The following FPR3 variants were observed in gnomAD, a reference collection of about 807,000 sequenced individuals.
FPR3 encodes N-formyl peptide receptor 3.
For synonymous variants in FPR3, 135 were observed against 163.6 expected (o/e 0.83, Z 1.34); for missense variants, 346 against 443.2 (o/e 0.78, Z 1.97).
At chr19:51,800,759 C>CT (rs2084023044) in intron 1 of FPR3, among the ~76,000 whole-genome samples, 1 of 151,078 alleles carries the variant, frequency 6.6e-6, no homozygotes, top group East Asian at 1.9e-4. Context: ...ATTTTTTTTT[C>CT]TTTTTTGGTA....
chr19:51,799,864 C>G (rs533853831), intron 1 of FPR3, among the ~76,000 whole-genome samples: 4 of 152,222 alleles, frequency 2.6e-5, no homozygotes, highest in Admixed American at 6.5e-5. Context: ...GGTAGTGGTC[C>G]GGCCTGTATT....
At chr19:51,795,504 C>CTTTTTTTTTT (rs58620565) in intron 1 of FPR3, among the ~76,000 whole-genome samples, 173 bp downstream of exon 1, 876 of 74,662 alleles carry the variant, frequency 0.012, 185 homozygotes, top group East Asian at 0.02. Context: ...CAGTAACATT[C>CTTTTTTTTTT]TTTTTTTTTT....
rs1444939128 is a variant in FPR3, at chr19:51,825,850, G to T, written c.*1040G>T. On this transcript the variant is annotated 3_prime_UTR_variant, in exon 2 of 2. Coordinates refer to ENST00000339223, the MANE Select transcript of FPR3 (RefSeq NM_002030.5). ...AAGTGGAAGTGGGAAAAGAGTACAAGAGAAGAGACAAAGTGGGGATATTTG... is the reference window on the plus strand; with the variant it reads ...AAGTGGAAGTGGGAAAAGAGTACAATAGAAGAGACAAAGTGGGGATATTTG... 2 of 167,096 alleles carry T rather than the reference G, an allele frequency of 1.2e-5. No individual in the cohort carries two copies. 10.4% of individuals were successfully genotyped at this position (167,096 alleles called of 1,614,324 possible).
intron 1 of FPR3, chr19:51,817,825 C>A (rs1289078654): frequency 6.6e-6 from 1 of 152,198 alleles, no homozygotes; most frequent in Non-Finnish European, 1.5e-5. Context: ...AGAAAAGGAA[C>A]TCAGCTAGTG....
chr19:51,816,073 A>G (rs2084134527), intron 1 of FPR3, among the ~76,000 whole-genome samples: 1 of 151,810 alleles, frequency 6.6e-6, no homozygotes, highest in Admixed American at 6.6e-5. Context: ...TTAAAAAAAA[A>G]AAAAAAACCC....
chr19:51,798,891 C>A (rs2084014214), intron 1 of FPR3, among the ~76,000 whole-genome samples: 1 of 151,978 alleles, frequency 6.6e-6, no homozygotes, highest in Non-Finnish European at 1.5e-5. Flanking sequence ...GTAATCCCAG[C>A]ACTTTGGGAG....
intron 1 of FPR3, among the ~76,000 whole-genome samples, chr19:51,822,544 C>T (rs1399397665): frequency 6.6e-6 from 1 of 152,184 alleles, no homozygotes; most frequent in Non-Finnish European, 1.5e-5. Context: ...CTGTTTCCTA[C>T]TTAAGTGACC....
chr19:51,801,587 C>T (rs1247647438), intron 1 of FPR3, among the ~76,000 whole-genome samples: 1 of 152,190 alleles, frequency 6.6e-6, no homozygotes, highest in African/African-American at 2.4e-5. Flanking sequence ...TCGAGATCAG[C>T]CTGGCCAACA....
At chr19:51,812,679 A>G (rs906950457) in intron 1 of FPR3, among the ~76,000 whole-genome samples, 1 of 152,198 alleles carries the variant, frequency 6.6e-6, no homozygotes, top group African/African-American at 2.4e-5. Context: ...TGACATCCAC[A>G]GTCTCCATAA....
intron 1 of FPR3, among the ~76,000 whole-genome samples, chr19:51,806,609 G>A (rs2084060597): frequency 6.6e-6 from 1 of 152,218 alleles, no homozygotes; most frequent in African/African-American, 2.4e-5. Flanking sequence ...AGGATTATAA[G>A]GAATTCCTGT....
At position 51,824,000 on chromosome 19, in the gene FPR3, A is replaced by G. The variant is rs2084211212; in HGVS notation, c.252A>G (p.Ser84=). The G allele has an allele frequency of 6.2e-7, 1 of 1,614,100 alleles. No individual in the cohort carries two copies. ...CCATCCTACCATTCCGAATGGTCTC[A>G]GTCGCCATGAGAGAAAAATGGCCTT... ...FSAILPFRMV[S]VAMREKWPFG... The change falls in exon 2 of 2, where the codon TCA becomes TCG. Residue 84 remains serine, a synonymous_variant. Transcript: ENST00000339223.
At chr19:51,805,781 T>C (rs960649511) in intron 1 of FPR3, among the ~76,000 whole-genome samples, 2 of 152,260 alleles carry the variant, frequency 1.3e-5, no homozygotes, top group South Asian at 4.1e-4. Context: ...AAGTTATTAG[T>C]GTGACCAAGG....
chr19:51,797,104 G>C (rs34584856), intron 1 of FPR3, among the ~76,000 whole-genome samples: 14 of 152,006 alleles, frequency 9.2e-5, no homozygotes, highest in African/African-American at 3.1e-4. Flanking sequence ...TGTTTGAAAA[G>C]GGAGAAAGTG....
chr19:51,802,326 G>C (rs1008402324), intron 1 of FPR3, among the ~76,000 whole-genome samples: 2 of 152,122 alleles, frequency 1.3e-5, no homozygotes, highest in African/African-American at 4.8e-5. Context: ...TTCACCTCCT[G>C]CAGAGGTAGA....
At chr19:51,798,272 G>T (rs1239788204) in intron 1 of FPR3, among the ~76,000 whole-genome samples, 1 of 152,106 alleles carries the variant, frequency 6.6e-6, no homozygotes, top group Non-Finnish European at 1.5e-5. Context: ...AATGTCTTTT[G>T]GTTGTCACTC....
chr19:51,803,290 T>G (rs1166689799), intron 1 of FPR3, among the ~76,000 whole-genome samples: 1 of 152,174 alleles, frequency 6.6e-6, no homozygotes, highest in Non-Finnish European at 1.5e-5. Flanking sequence ...AATACAGTAC[T>G]CTCACTAACA....
chr19:51,812,250 A>G (rs954749344), intron 1 of FPR3, among the ~76,000 whole-genome samples: 2 of 152,214 alleles, frequency 1.3e-5, no homozygotes, highest in African/African-American at 2.4e-5. Context: ...GGGTGAAATA[A>G]TGGCCTTCAA....
intron 1 of FPR3, among the ~76,000 whole-genome samples, chr19:51,801,506 C>T (rs1400624462): frequency 1.3e-5 from 2 of 152,162 alleles, no homozygotes; most frequent in African/African-American, 2.4e-5. Flanking sequence ...AGCGGCCGGA[C>T]GCGGTGGCTC....
At chr19:51,815,853 C>T (rs1246278060) in intron 1 of FPR3, among the ~76,000 whole-genome samples, 1 of 146,374 alleles carries the variant, frequency 6.8e-6, no homozygotes. Context: ...TAGAATGAGA[C>T]CCTGTCTCAA....
Sources: allele counts gnomAD v4.1 joint callset (sites outside exome capture counted in the v4.1 genomes callset), GRCh38; gene constraint gnomAD v4.1.1; transcripts MANE v1.5; gene names NCBI Gene and HGNC (gene_info 2026-07-23, HGNC 2026-07-21).